The following MYL4 variants were observed in gnomAD, a reference collection of about 807,000 sequenced individuals.
The protein encoded by MYL4 is atrial myosin light chain 1.
Under a neutral mutation model 21.6 loss-of-function variants are expected in MYL4, and 16 were observed. That is an observed-to-expected ratio of 0.74 (90% CI 0.50 to 1.12). The LOEUF (loss-of-function observed/expected upper bound fraction) is 1.12. Ranked by LOEUF, MYL4 falls within the 50% of genes most tolerant of loss-of-function variation. MYL4 has a pLI of 0.00. For synonymous variants in MYL4, 82 were observed against 95.7 expected (o/e 0.86, Z 0.83); for missense variants, 249 against 252.9 (o/e 0.98, Z 0.11).
chr17:47,224,616 A>G (rs529377903), downstream of MYL4, among the ~76,000 whole-genome samples: 38 of 152,258 alleles, frequency 2.5e-4, no homozygotes, highest in African/African-American at 8.9e-4. Flanking sequence ...GTGAAATCAG[A>G]CAGTGTTTGT....
chr17:47,208,999 A>T (rs889672261), upstream of MYL4: 2 of 224,614 alleles, frequency 8.9e-6, no homozygotes, highest in African/African-American at 4.7e-5. Context: ...GGGAGGGGCT[A>T]AAAAAAGCCT....
chr17:47,213,449 G>C (rs1003305698), intron 1 of MYL4, among the ~76,000 whole-genome samples: 1 of 152,026 alleles, frequency 6.6e-6, no homozygotes, highest in Non-Finnish European at 1.5e-5. Context: ...TCATCTCTAG[G>C]TTACTTATAA....
intron 2 of MYL4, 61 bp downstream of exon 2, chr17:47,213,887 G>A (rs745353210): frequency 1.3e-6 from 2 of 1,559,714 alleles, no homozygotes; most frequent in African/African-American, 1.4e-5. Flanking sequence ...AGGAGGAGGA[G>A]GAGGAAGAAG....
chr17:47,223,023 A>C lies in MYL4; in HGVS notation c.575A>C (p.Lys192Thr), dbSNP rs962322662. The change falls in exon 6 of 7, where the codon AAG becomes ACG. Residue 192 changes from lysine (K) to threonine (T), a missense_variant. Coordinates refer to ENST00000393450, the MANE Select transcript of MYL4 (RefSeq NM_002476.2). Reference protein sequence around the residue: ...NGCINYEAFVKHIMSG With the variant: ...NGCINYEAFVTHIMSG ...TTCACTTTTTTCCTAGCCTTTGTCA[A>C]GCACATCATGTCAGGGTGAAGCAGA... 6.2e-7 allele frequency: 1 copy of C among 1,614,164 alleles called. No homozygotes were observed. The highest frequency in any genetic ancestry group is 1.1e-5 in the South Asian group (1 of 91,086).
At chr17:47,219,316 C>T (rs1239161017) in intron 2 of MYL4, among the ~76,000 whole-genome samples, 1 of 152,206 alleles carries the variant, frequency 6.6e-6, no homozygotes, top group Non-Finnish European at 1.5e-5. Flanking sequence ...TTGTCACTCC[C>T]TTTGTGTGCA....
chr17:47,204,591 G>T (rs545296582), upstream of MYL4, among the ~76,000 whole-genome samples: 10 of 152,276 alleles, frequency 6.6e-5, no homozygotes, highest in South Asian at 2.1e-3. Context: ...AAGTAGCCAG[G>T]TGTGGTAGGG....
At chr17:47,222,333 T>G (rs202099714) in intron 4 of MYL4, 47 bp from the exon 5 acceptor site, 1 of 1,576,830 alleles carries the variant, frequency 6.3e-7, no homozygotes, top group Admixed American at 1.7e-5. Flanking sequence ...CAGTTCCTCC[T>G]TTGCCATCTG....
At position 47,213,813 on chromosome 17, in the gene MYL4, C is replaced by G. The variant is rs143234546; in HGVS notation, c.150C>G (p.Ala50=). The stretch of plus-strand genomic sequence containing the variant: ...CCTCCCTACAGATAGACTTCACTGC[C>G]GACCAGATTGAAGGTGAGTATGGAC... ...DPKSVKIDFT[A]DQIEEFKEAF... is the part of the protein sequence containing the mutation. Residue 50 remains alanine, a synonymous_variant, in exon 2 of 7, where the codon GCC becomes GCG. Transcript: ENST00000393450. The G allele has an allele frequency of 1.2e-6, 2 of 1,614,002 alleles. No individual in the cohort carries two copies. Among genetic ancestry groups the G allele is most frequent in the African/African-American group, 1.3e-5 (1 of 74,904 alleles).
chr17:47,216,695 C>CTTTTT (rs200874260), intron 2 of MYL4, among the ~76,000 whole-genome samples: 1 of 141,868 alleles, frequency 7.0e-6, no homozygotes, highest in Non-Finnish European at 1.5e-5. Flanking sequence ...TTTTCTTTTT[C>CTTTTT]TTTCTTTTTT....
chr17:47,216,110 TC>T (rs768661062), intron 2 of MYL4, among the ~76,000 whole-genome samples: 124 of 150,014 alleles, frequency 8.3e-4, no homozygotes, highest in Middle Eastern at 3.4e-3. Context: ...TTTTTTTTTT[TC>T]CCCCTCATAG....
intron 2 of MYL4, among the ~76,000 whole-genome samples, chr17:47,215,238 G>A (rs2064805208): frequency 2.6e-5 from 4 of 152,260 alleles, no homozygotes; most frequent in Admixed American, 1.3e-4. Context: ...ATATACTTAC[G>A]TGGATATAGA....
At chr17:47,196,456 C>A (rs1392164709), upstream of MYL4, among the ~76,000 whole-genome samples, 1 of 152,138 alleles carries the variant, frequency 6.6e-6, no homozygotes, top group Non-Finnish European at 1.5e-5. Flanking sequence ...TGTCTTGTCT[C>A]CCTAATGCAA....
chr17:47,227,526 C>A (rs1598663755), downstream of MYL4, among the ~76,000 whole-genome samples: 1 of 152,146 alleles, frequency 6.6e-6, no homozygotes, highest in East Asian at 1.9e-4. Flanking sequence ...GTCCCTCCTG[C>A]CTCTCCTTTC....
chr17:47,227,387 G>C (rs116373347), downstream of MYL4, among the ~76,000 whole-genome samples: 1,019 of 152,326 alleles, frequency 6.7e-3, 21 homozygotes, highest in African/African-American at 0.023. Flanking sequence ...TCTTCAACTA[G>C]ACTGACTTCC....
chr17:47,214,012 C>A, intron 2 of MYL4, 186 bp downstream of exon 2: 1 of 628,112 alleles, frequency 1.6e-6, no homozygotes, highest in Non-Finnish European at 2.8e-6. Context: ...TGGATTAACT[C>A]CTTTAATTCT....
chr17:47,222,197 G>A (rs2064861500), intron 4 of MYL4, 183 bp from the exon 5 acceptor site: 1 of 637,100 alleles, frequency 1.6e-6, no homozygotes, highest in South Asian at 1.9e-5. Flanking sequence ...AGGCTTCGGA[G>A]ACTAGGCAAG....
chr17:47,210,228 G>A (rs980588302), intron 1 of MYL4, among the ~76,000 whole-genome samples: 26 of 152,156 alleles, frequency 1.7e-4, no homozygotes, highest in African/African-American at 5.3e-4. Context: ...CTCTCCAACC[G>A]GGTCAGGAAG....
intron 1 of MYL4, among the ~76,000 whole-genome samples, chr17:47,210,422 T>C (rs2064765677): frequency 6.6e-6 from 1 of 152,148 alleles, no homozygotes; most frequent in South Asian, 2.1e-4. Context: ...CAGAGACCTC[T>C]GAAGAGGAGC....
intron 2 of MYL4, among the ~76,000 whole-genome samples, chr17:47,216,255 G>A (rs2064813300): frequency 6.6e-6 from 1 of 151,560 alleles, no homozygotes; most frequent in Non-Finnish European, 1.5e-5. Context: ...ATTGAGGAAA[G>A]GTCTCTTCTG....
Sources: gnomAD v4.1 joint callset for allele counts (sites outside exome capture counted in the v4.1 genomes callset) on GRCh38, gnomAD v4.1.1 for gene constraint, MANE v1.5 for transcripts, NCBI Gene and HGNC (gene_info 2026-07-23, HGNC 2026-07-21) for gene names.